CD247: variants seen among roughly 807,000 people sequenced by gnomAD.
CD247 encodes the protein T-cell surface glycoprotein CD3 zeta chain.
Under a neutral mutation model 30.0 loss-of-function variants are expected in CD247, and 13 were observed. That is an observed-to-expected ratio of 0.43 (90% CI 0.28 to 0.69). The LOEUF is 0.69. Ranked by LOEUF, CD247 falls within the 30% of genes least tolerant of loss-of-function variation. The pLI is 0.16. For missense variants in CD247, 193 were observed against 212.6 expected, an observed-to-expected ratio of 0.91 and a Z score of 0.57; for synonymous variants, 72 against 80.0, an observed-to-expected ratio of 0.90 and a Z score of 0.53.
At chr1:167,448,871 TAAAC>T (rs1652214661) in intron 1 of CD247, among the ~76,000 whole-genome samples, 1 of 152,056 alleles carries the variant, frequency 6.6e-6, no homozygotes, top group Non-Finnish European at 1.5e-5. Context: ...AAAAAATAAA[TAAAC>T]AAAAATTTTT....
chr1:167,484,552 G>A (rs1453096784), intron 1 of CD247, among the ~76,000 whole-genome samples: 4 of 152,180 alleles, frequency 2.6e-5, no homozygotes, highest in Non-Finnish European at 5.9e-5. Context: ...CAAGGCGGGC[G>A]GATCACCTGA....
chr1:167,498,711 A>C (rs1654790886), intron 1 of CD247, among the ~76,000 whole-genome samples: 2 of 152,228 alleles, frequency 1.3e-5, no homozygotes, highest in Admixed American at 1.3e-4. Flanking sequence ...GCCCAAGATC[A>C]CGTTGCTGGG....
chr1:167,448,264 G>T, intron 1 of CD247: 1 of 641,042 alleles, frequency 1.6e-6, no homozygotes, highest in Non-Finnish European at 1.9e-6. Flanking sequence ...TTAATAACAT[G>T]CCTAATGTCT....
chr1:167,473,366 A>G (rs1653611970), intron 1 of CD247, among the ~76,000 whole-genome samples: 1 of 152,142 alleles, frequency 6.6e-6, no homozygotes, highest in African/African-American at 2.4e-5. Flanking sequence ...TGCAACCTGC[A>G]TATTGTTTCG....
chr1:167,485,198 T>C (rs1232475984), intron 1 of CD247, among the ~76,000 whole-genome samples: 2 of 152,024 alleles, frequency 1.3e-5, no homozygotes, highest in African/African-American at 4.8e-5. Context: ...TATTGGAAGA[T>C]CTAAGGGGGG....
chr1:167,486,048 A>G (rs1234591565), intron 1 of CD247, among the ~76,000 whole-genome samples: 1 of 152,194 alleles, frequency 6.6e-6, no homozygotes, highest in Non-Finnish European at 1.5e-5. Flanking sequence ...TGACCCCTGC[A>G]AGGACACACC....
chr1:167,500,612 G>T (rs187372543), intron 1 of CD247, among the ~76,000 whole-genome samples: 197 of 152,266 alleles, frequency 1.3e-3, no homozygotes, highest in Non-Finnish European at 1.9e-3. Flanking sequence ...ACCCATTTAT[G>T]CAGGGCAGAA....
At position 167,502,193 on chromosome 1, in the gene CD247, G is replaced by A. The variant is rs1448500358; in HGVS notation, c.58+16215C>T. On this transcript the variant is annotated intron_variant, in intron 1 of 7. Transcript: ENST00000362089. Reference sequence around the variant, plus strand: ...TGTCCTTCCCCTAATGCCACCTAATGGCAAAGCCCTGTGCATTTATTGCAT... The same window carrying A: ...TGTCCTTCCCCTAATGCCACCTAATAGCAAAGCCCTGTGCATTTATTGCAT... Among the ~76,000 whole-genome samples the A allele has an allele frequency of 2.0e-5, 3 of 152,296 alleles. No individual in the cohort carries two copies. The East Asian group carries it at 5.8e-4, about 29-fold the overall frequency.
rs1043848070 is a variant in CD247, at chr1:167,440,681, A to G, written c.145T>C (p.Leu49=). 1.2e-6 allele frequency: 2 copies of G among 1,612,374 alleles called. No homozygotes were observed. Among genetic ancestry groups the G allele is most frequent in the African/African-American group, 2.7e-5 (2 of 74,900 alleles). The change falls in exon 2 of 8, where the codon TTG becomes CTG. Residue 49 remains leucine, a synonymous_variant. Coordinates refer to ENST00000362089, the MANE Select transcript of CD247 (RefSeq NM_198053.3). ...LFIYGVILTA[L]FLRVKFSRSA... ...GTACCCACCTTCACTCTCAGGAACAAGGCAGTGAGAATGACACCATAGATG... is the reference window on the plus strand; with the variant it reads ...GTACCCACCTTCACTCTCAGGAACAGGGCAGTGAGAATGACACCATAGATG...
intron 1 of CD247, among the ~76,000 whole-genome samples, chr1:167,515,611 T>C (rs897075501): frequency 1.3e-5 from 2 of 152,226 alleles, no homozygotes; most frequent in East Asian, 3.9e-4. Context: ...AAATGGTGGA[T>C]GTAACAGTCA....
intron 1 of CD247, among the ~76,000 whole-genome samples, chr1:167,464,655 G>C (rs1653161702): frequency 6.6e-6 from 1 of 152,194 alleles, no homozygotes; most frequent in South Asian, 2.1e-4. Flanking sequence ...AAAGTAGAAA[G>C]CTGGGGAAAC....
intron 1 of CD247, among the ~76,000 whole-genome samples, chr1:167,461,192 A>C (rs1652992370): frequency 6.6e-6 from 1 of 152,232 alleles, no homozygotes; most frequent in Non-Finnish European, 1.5e-5. Context: ...TGCGGCTTCC[A>C]AACTCAGCCG....
intron 2 of CD247, 37 bp from the exon 3 acceptor site, chr1:167,439,437 G>GAGGGCGCGCAGGGGAGCCGGGGTGCC: frequency 3.1e-6 from 5 of 1,607,758 alleles, no homozygotes; most frequent in Non-Finnish European, 4.3e-6. Context: ...ACTGCTCCGC[G>GAGGGCGCGCAGGGGAGCCGGGGTGCC]AGGGCGCGCA....
At chr1:167,461,080 C>T (rs1000338210) in intron 1 of CD247, among the ~76,000 whole-genome samples, 5 of 152,248 alleles carry the variant, frequency 3.3e-5, no homozygotes, top group Admixed American at 6.5e-5. Flanking sequence ...GCAGCTGCCA[C>T]GCTGGGGACA....
Position 167,431,305 on chromosome 1 carries a change from A to C in CD247, c.*376T>G. The C allele has an allele frequency of 1.7e-6, 1 of 582,416 alleles. No individual in the cohort carries two copies. The highest frequency in any genetic ancestry group is 3.0e-6 in the Non-Finnish European group (1 of 328,672). The allele number at this position is 582,416 out of a possible 1,614,324, so 36.1% of individuals were successfully genotyped here. On this transcript the variant is annotated 3_prime_UTR_variant, in exon 8 of 8. Coordinates refer to ENST00000362089, the MANE Select transcript of CD247 (RefSeq NM_198053.3). ...CACTCAGACACAGAGTGATACAGAC[A>C]TTAGGGCATGTGCTAGCATCTGCGC... is the stretch of plus-strand genomic sequence containing the variant.
chr1:167,511,681 A>G (rs943280344), intron 1 of CD247, among the ~76,000 whole-genome samples: 1 of 152,140 alleles, frequency 6.6e-6, no homozygotes, highest in Non-Finnish European at 1.5e-5. Flanking sequence ...TAAGGGGAAT[A>G]CCTTTAGAAG....
chr1:167,488,013 C>A (rs1654286796), intron 1 of CD247, among the ~76,000 whole-genome samples: 1 of 152,184 alleles, frequency 6.6e-6, no homozygotes, highest in Non-Finnish European at 1.5e-5. Flanking sequence ...GCTGGGATTG[C>A]AAGCATGAGC....
chr1:167,432,188 AGAG>A (rs978732701), intron 7 of CD247, among the ~76,000 whole-genome samples: 1 of 152,218 alleles, frequency 6.6e-6, no homozygotes, highest in Non-Finnish European at 1.5e-5. Flanking sequence ...CACAGGGAGA[AGAG>A]GGGCTCCTTG....
chr1:167,497,635 A>G (rs1401594064), intron 1 of CD247, among the ~76,000 whole-genome samples: 1 of 152,194 alleles, frequency 6.6e-6, no homozygotes, highest in East Asian at 1.9e-4. Context: ...AAGATATAGG[A>G]TGAGGATGCA....
Sources: gnomAD v4.1 joint callset for allele counts (sites outside exome capture counted in the v4.1 genomes callset) on GRCh38, gnomAD v4.1.1 for gene constraint, MANE v1.5 for transcripts, NCBI Gene and HGNC (gene_info 2026-07-23, HGNC 2026-07-21) for gene names.